The following NARS1 variants were observed in gnomAD, a reference collection of about 807,000 sequenced individuals.
NARS1 encodes the protein asparaginyl-tRNA synthetase 1.
Under a neutral mutation model 79.2 loss-of-function variants are expected in NARS1, and 65 were observed. The ratio of observed to expected loss-of-function variants is 0.82; its 90% CI spans 0.67 to 1.01. The LOEUF is 1.01. Ranked by LOEUF, NARS1 falls within the 50% of genes least tolerant of loss-of-function variation. The pLI, the probability that NARS1 is intolerant of heterozygous loss-of-function variation, is 0.00. For missense variants in NARS1, 649 were observed against 673.8 expected (o/e 0.96, Z 0.41); for synonymous variants, 229 against 238.8 (o/e 0.96, Z 0.38).
chr18:57,608,838 G>C (rs1013864672), intron 7 of NARS1, among the ~76,000 whole-genome samples: 1 of 152,176 alleles, frequency 6.6e-6, no homozygotes, highest in Non-Finnish European at 1.5e-5. Flanking sequence ...GTCTGGGAGA[G>C]GCAGACCCAC....
At chr18:57,609,624 T>C (rs2051589137) in intron 6 of NARS1, among the ~76,000 whole-genome samples, 181 bp from the exon 7 acceptor site, 1 of 152,228 alleles carries the variant, frequency 6.6e-6, no homozygotes, top group African/African-American at 2.4e-5. Context: ...CAGAGGTTTA[T>C]CTATATATAG....
At position 57,611,726 on chromosome 18, in the gene NARS1, T is replaced by G. The variant is rs749194257; in HGVS notation, c.422-19A>C. 6.7e-7 allele frequency: 1 copy of G among 1,489,112 alleles called. No individual in the cohort carries two copies. Among genetic ancestry groups the G allele is most frequent in the East Asian group, 2.4e-5 (1 of 42,432 alleles). The allele number at this position is 1,489,112 out of a possible 1,614,324, so 92.2% of individuals were successfully genotyped here. A position where few individuals can be genotyped will look rare whatever the true frequency, so the allele number is the denominator to read the frequency against. On this transcript the variant is annotated intron_variant, in intron 5 of 13. Coordinates refer to ENST00000256854, the MANE Select transcript of NARS1 (RefSeq NM_004539.4). Reference sequence around the variant, plus strand: ...TTCTTTCCTAAAAAATGAGAAATAATAATTTAGGCAGACTGTTCTCAAGGC... The same window carrying G: ...TTCTTTCCTAAAAAATGAGAAATAAGAATTTAGGCAGACTGTTCTCAAGGC...
rs917344576 is a variant in NARS1 at position 57,605,711 on chromosome 18, T to C, written c.1251+146A>G. 12 of 595,506 alleles carry C rather than the reference T, an allele frequency of 2.0e-5. No homozygotes were observed. In the African/African-American group the frequency reaches 2.1e-4, roughly 10 times the overall value. The allele number at this position is 595,506 out of a possible 1,614,324, so 36.9% of individuals were successfully genotyped here. ...AGGCTGACTCTGTTAACTCAGCGAA[T>C]CTGCAGGCAACCCAAGAAGCAGGTC... On this transcript the variant is annotated intron_variant, in intron 11 of 13. Coordinates refer to ENST00000256854, the MANE Select transcript of NARS1 (RefSeq NM_004539.4).
chr18:57,615,497 G>C lies in NARS1; in HGVS notation c.342+144C>G, dbSNP rs559437154. The stretch of plus-strand genomic sequence containing the variant: ...AGCCTGGGCGACAGAGCAAGACTCC[G>C]TCTCAAAAATAAATAAATAAATAAA... On this transcript the variant is annotated intron_variant, in intron 4 of 13. Coordinates refer to ENST00000256854, the MANE Select transcript of NARS1 (RefSeq NM_004539.4). The C allele has an allele frequency of 5.5e-5, 33 of 594,786 alleles. No homozygotes were observed. The East Asian group carries it at 9.8e-4, about 18-fold the overall frequency. 36.8% of individuals were successfully genotyped at this position (594,786 alleles called of 1,614,324 possible). A position where few individuals can be genotyped will look rare whatever the true frequency, so the allele number is the denominator to read the frequency against.
chr18:57,608,169 G>A (rs2051576488), intron 7 of NARS1, among the ~76,000 whole-genome samples: 1 of 151,912 alleles, frequency 6.6e-6, no homozygotes. Context: ...CGCAGCCTGT[G>A]CGTTTCCATT....
Position 57,613,657 on chromosome 18 carries a change from T to A in NARS1, c.366A>T (p.Gly122=). ...ACACCTTTACTCTTTGGCCTCTATA[T>A]CCTTCTAACGCACCAATCTTCACCT... ...PKCVKIGALE[G]YRGQRVKVFG... The change falls in exon 5 of 14, where the codon GGA becomes GGT. Residue 122 remains glycine, a synonymous_variant. Coordinates refer to ENST00000256854, the MANE Select transcript of NARS1 (RefSeq NM_004539.4). The A allele has an allele frequency of 1.2e-6, 2 of 1,614,148 alleles. No individual in the cohort carries two copies. Among genetic ancestry groups the A allele is most frequent in the Non-Finnish European group, 1.7e-6 (2 of 1,179,980 alleles).
At chr18:57,618,680 T>C (rs117022504) in intron 2 of NARS1, among the ~76,000 whole-genome samples, 14,659 of 151,930 alleles carry the variant, frequency 0.096, 833 homozygotes, top group Non-Finnish European at 0.13. Flanking sequence ...GGCAGCAGGA[T>C]TGCTTAAGCC....
chr18:57,605,130 A>AT (rs1397156311), intron 11 of NARS1, among the ~76,000 whole-genome samples: 6 of 93,510 alleles, frequency 6.4e-5, no homozygotes, highest in South Asian at 3.1e-4. Context: ...AGAAAAAAAA[A>AT]AAAAATATAT....
chr18:57,621,308 A>T (rs1008871807), intron 1 of NARS1, among the ~76,000 whole-genome samples: 2 of 151,654 alleles, frequency 1.3e-5, no homozygotes, highest in Admixed American at 1.3e-4. Context: ...AAACCTCAAT[A>T]AAAAAATGAG....
chr18:57,601,522 T>C lies in NARS1; in HGVS notation c.*130A>G. On this transcript the variant is annotated 3_prime_UTR_variant, in exon 14 of 14. Transcript: ENST00000256854. ...TTCAGGTGATTTGAGATAGTTTTTA[T>C]GGTAGTAGAAAGAAAAACAGAAAGA... 3.5e-6 allele frequency: 3 copies of C among 868,554 alleles called. No individual in the cohort carries two copies. Among genetic ancestry groups the C allele is most frequent in the Non-Finnish European group, 1.7e-6 (1 of 599,988 alleles). 53.8% of individuals were successfully genotyped at this position (868,554 alleles called of 1,614,324 possible).
Position 57,606,705 on chromosome 18 carries a change from G to C in NARS1, c.1048C>G (p.Leu350Val). 1 of 1,614,128 alleles carries C rather than the reference G, an allele frequency of 6.2e-7. No individual in the cohort carries two copies. Among genetic ancestry groups the C allele is most frequent in the South Asian group, 1.1e-5 (1 of 91,084 alleles). ...ACCAAGTCCTCCAACCGGTTCAGGA[G>C]GTCGTCAAAAGTCAGGAAAGGACAC... ...AECPFLTFDD[L>V]LNRLEDLVCD... Residue 350 changes from leucine to valine, a missense_variant, in exon 10 of 14, where the codon CTC (leucine) becomes GTC (valine). Leu to Val is a conservative substitution (Grantham distance 32). Coordinates refer to ENST00000256854, the MANE Select transcript of NARS1 (RefSeq NM_004539.4).
intron 2 of NARS1, among the ~76,000 whole-genome samples, chr18:57,617,418 A>G (rs1424825876): frequency 6.6e-6 from 1 of 150,886 alleles, no homozygotes; most frequent in East Asian, 2.0e-4. Context: ...TAAAAATACA[A>G]AAAATTAGCC....
chr18:57,605,901 G>C lies in NARS1; in HGVS notation c.1207C>G (p.His403Asp). 1 of 1,613,024 alleles carries C rather than the reference G, an allele frequency of 6.2e-7. No individual in the cohort carries two copies. The highest frequency in any genetic ancestry group is 8.5e-7 in the Non-Finnish European group (1 of 1,179,378). ...YSDAIVWLKE[H>D]DVKKEDGTFY... is the part of the protein sequence containing the mutation. ...GTTCCATCTTCTTTCTTTACATCATGTTCTTTTAGCCAAACGATAGCATCT... is the reference window on the plus strand; with the variant it reads ...GTTCCATCTTCTTTCTTTACATCATCTTCTTTTAGCCAAACGATAGCATCT... Residue 403 changes from histidine to aspartate, a missense_variant, in exon 11 of 14, where the codon CAT (histidine) becomes GAT (aspartate). By Grantham distance (81) the His-to-Asp change is moderately conservative. Transcript: ENST00000256854.
At chr18:57,605,819 A>G (rs1297284167) in intron 11 of NARS1, 38 bp downstream of exon 11, 2 of 1,399,502 alleles carry the variant, frequency 1.4e-6, no homozygotes, top group African/African-American at 1.4e-5. Context: ...TTGGAGCCCA[A>G]TCCCACCTTG....
At chr18:57,604,283 GT>G (rs1484403951) in intron 11 of NARS1, among the ~76,000 whole-genome samples, 1 of 152,166 alleles carries the variant, frequency 6.6e-6, no homozygotes, top group Non-Finnish European at 1.5e-5. Context: ...TGGGCACAGT[GT>G]GGCTCATGCC....
chr18:57,603,302 G>A (rs2051525884), intron 11 of NARS1, among the ~76,000 whole-genome samples: 1 of 151,842 alleles, frequency 6.6e-6, no homozygotes, highest in African/African-American at 2.4e-5. Context: ...GTCTAGCTCT[G>A]AAGCAAATGA....
At position 57,620,596 on chromosome 18, in the gene NARS1, C is replaced by T; in HGVS notation, c.66G>A (p.Lys22=). ...TTAGACCTGTTTTAAATGGTTTCTC[C>T]TTGGTTCCATCTCCCGTGGCATCGC... is the stretch of plus-strand genomic sequence containing the variant. ...EGSDATGDGT[K]EKPFKTGLKA... Residue 22 remains lysine (K), a synonymous_variant, in exon 2 of 14, where the codon AAG becomes AAA. Transcript: ENST00000256854. 6.2e-7 allele frequency: 1 copy of T among 1,613,670 alleles called. No homozygotes were observed. The highest frequency in any genetic ancestry group is 1.7e-4 in the Middle Eastern group (1 of 6,054).
Position 57,607,582 on chromosome 18 carries a change from A to G in NARS1, c.663T>C (p.Asn221=). The change falls in exon 8 of 14, where the codon AAT becomes AAC. Residue 221 remains asparagine (N), a synonymous_variant. Transcript: ENST00000256854. ...APAGGADNLI[N]EESDVDVQLN... ...GCTGGACATCAACGTCAGACTCCTC[A>G]TTGATCAGGTTGTCAGCTCCTCCAG... 1.2e-6 allele frequency: 2 copies of G among 1,614,106 alleles called. No individual in the cohort carries two copies. The highest frequency in any genetic ancestry group is 1.7e-6 in the Non-Finnish European group (2 of 1,180,040).
rs771068592 is a variant in NARS1, at chr18:57,607,500, G to T, written c.745C>A (p.Arg249=). ...CTAAAGCACCTGGTGACCATGGATC[G>T]TGCTTTTAGGATTTTGGACATGTTT... The part of the protein sequence containing the change: ...GENMSKILKA[R]SMVTRCFRDH... Residue 249 remains arginine (R), a synonymous_variant, in exon 8 of 14, where the codon CGA becomes AGA. Coordinates refer to ENST00000256854, the MANE Select transcript of NARS1 (RefSeq NM_004539.4). 1 of 1,614,130 alleles carries T rather than the reference G, an allele frequency of 6.2e-7. No individual in the cohort carries two copies. The highest frequency in any genetic ancestry group is 1.1e-5 in the South Asian group (1 of 91,086).
Sources: allele counts gnomAD v4.1 joint callset (sites outside exome capture counted in the v4.1 genomes callset), GRCh38; gene constraint gnomAD v4.1.1; transcripts MANE v1.5; gene names NCBI Gene and HGNC (gene_info 2026-07-23, HGNC 2026-07-21).